The following SEMA3A variants were observed in gnomAD, a reference collection of about 807,000 sequenced individuals.
SEMA3A encodes the protein semaphorin-3A.
SEMA3A carries 29 observed loss-of-function variants against 97.9 expected under a neutral mutation model. The ratio of observed to expected loss-of-function variants is 0.30; its 90% CI spans 0.22 to 0.40. The LOEUF (loss-of-function observed/expected upper bound fraction) is 0.40. Among genes scored for constraint, SEMA3A ranks in the 10% least tolerant of loss-of-function variants. The pLI is 1.00. For missense variants in SEMA3A, 763 were observed against 951.3 expected, an observed-to-expected ratio of 0.80 and a Z score of 2.60; for synonymous variants, 321 against 323.7, an observed-to-expected ratio of 0.99 and a Z score of 0.09.
rs1244077999 is a variant in SEMA3A, at chr7:84,266,620, T to C, written c.-83+40587A>G. Among the ~76,000 whole-genome samples the C allele has an allele frequency of 3.3e-5, 5 of 152,006 alleles. No homozygotes were observed. The East Asian group carries it at 7.7e-4, about 24-fold the overall frequency. ...GAAGGCCAAATATAACTCAAAAAAATTAAAAACATAATTGAAAAGAAACGT... is the reference window on the plus strand; with the variant it reads ...GAAGGCCAAATATAACTCAAAAAAACTAAAAACATAATTGAAAAGAAACGT... On this transcript the variant is annotated intron_variant, in intron 3 of 3. Transcript: ENST00000424555.
In SEMA3A at chr7:84,424,497, ATATAATATATAAATATTAATATAT is replaced by A. The variant is rs1429599095; in HGVS notation, c.-245-52621_-245-52598del. On this transcript the variant is annotated intron_variant, in intron 1 of 3. Transcript: ENST00000424555. The stretch of plus-strand genomic sequence containing the variant: ...AATATATAATATATTGATATATAAT[ATATAATATATAAATATTAATATAT>A]GTTATATATAATATATAAATATTAA... Among the ~76,000 whole-genome samples the A allele has an allele frequency of 2.4e-3, 243 of 102,812 alleles. 2 individuals are homozygous for A. Among genetic ancestry groups the A allele is most frequent in the African/African-American group, 9.7e-3 (236 of 24,402 alleles). The allele number at this position is 102,812 out of a possible 152,430, so 67.4% of individuals were successfully genotyped here. A position where few individuals can be genotyped will look rare whatever the true frequency, so the allele number is the denominator to read the frequency against.
intron 6 of SEMA3A, 113 bp downstream of exon 6, chr7:84,046,211 G>T: frequency 1.6e-6 from 2 of 1,246,332 alleles, no homozygotes; most frequent in Non-Finnish European, 2.2e-6. Context: ...ACCACCATTA[G>T]CTTAACTGCA....
At chr7:84,073,678 G>A (rs369274570) in intron 4 of SEMA3A, among the ~76,000 whole-genome samples, 1 of 152,004 alleles carries the variant, frequency 6.6e-6, no homozygotes, top group African/African-American at 2.4e-5. Context: ...GGCAAAGAAC[G>A]ATTTGCCATA....
At chr7:84,069,846 T>C (rs954577036) in intron 4 of SEMA3A, among the ~76,000 whole-genome samples, 7 of 152,126 alleles carry the variant, frequency 4.6e-5, no homozygotes, top group African/African-American at 1.7e-4. Context: ...TGTTATCTAA[T>C]GAGCAAGACC....
chr7:84,303,773 G>A (rs117864029), intron 3 of SEMA3A, among the ~76,000 whole-genome samples: 18 of 152,092 alleles, frequency 1.2e-4, no homozygotes, highest in Admixed American at 1.2e-3. Flanking sequence ...CTTTGTGTTA[G>A]ATAATTTTGT....
intron 3 of SEMA3A, among the ~76,000 whole-genome samples, chr7:84,211,504 C>T (rs1258728251): frequency 1.3e-5 from 2 of 151,726 alleles, no homozygotes; most frequent in Non-Finnish European, 2.9e-5. Flanking sequence ...GCCTGTAATC[C>T]CAGCTACTCG....
intron 1 of SEMA3A, among the ~76,000 whole-genome samples, chr7:84,432,284 G>A (rs1805000088): frequency 6.6e-6 from 1 of 152,094 alleles, no homozygotes. Flanking sequence ...TCCATTTCCA[G>A]TAGTGCCACC....
intron 1 of SEMA3A, among the ~76,000 whole-genome samples, chr7:84,473,141 GGTGTGTGTGTGT>G (rs61623414): frequency 1.4e-5 from 2 of 141,442 alleles, no homozygotes; most frequent in South Asian, 2.3e-4. Context: ...AAAAAGAAAT[GGTGTGTGTGTGT>G]GTGTGTGTGT....
At chr7:84,444,459 AAATT>A (rs981238766) in intron 1 of SEMA3A, among the ~76,000 whole-genome samples, 4 of 152,090 alleles carry the variant, frequency 2.6e-5, no homozygotes, top group African/African-American at 9.7e-5. Context: ...GAGCACAAAC[AAATT>A]AATTTTTTTC....
intron 3 of SEMA3A, among the ~76,000 whole-genome samples, chr7:84,290,038 A>C (rs1800702204): frequency 6.6e-6 from 1 of 152,120 alleles, no homozygotes; most frequent in Non-Finnish European, 1.5e-5. Context: ...TTTCATTGAT[A>C]TGTCGATAGG....
chr7:84,179,713 C>T (rs1465133141), intron 1 of SEMA3A, among the ~76,000 whole-genome samples: 1 of 151,986 alleles, frequency 6.6e-6, no homozygotes, highest in Non-Finnish European at 1.5e-5. Flanking sequence ...ATACTTAATA[C>T]ATCTCTGTTC....
intron 5 of SEMA3A, among the ~76,000 whole-genome samples, chr7:84,049,476 G>C (rs567875630): frequency 1.8e-4 from 28 of 152,206 alleles, no homozygotes; most frequent in African/African-American, 6.3e-4. Context: ...TTCTCATTAA[G>C]TAGAAATGTA....
intron 13 of SEMA3A, among the ~76,000 whole-genome samples, chr7:83,983,213 C>T (rs897123869): frequency 6.8e-6 from 1 of 147,496 alleles, no homozygotes; most frequent in Non-Finnish European, 1.5e-5. Flanking sequence ...CTCTTTCTTT[C>T]CTTTTCTTTT....
intron 2 of SEMA3A, among the ~76,000 whole-genome samples, chr7:84,345,360 T>C (rs947015824): frequency 6.6e-6 from 1 of 152,176 alleles, no homozygotes; most frequent in African/African-American, 2.4e-5. Flanking sequence ...TTGCTAAAGG[T>C]TGAGATGGCT....
At chr7:84,378,755 A>G (rs2116130323) in intron 1 of SEMA3A, among the ~76,000 whole-genome samples, 1 of 152,246 alleles carries the variant, frequency 6.6e-6, no homozygotes, top group South Asian at 2.1e-4. Context: ...ACATGAGAAT[A>G]CTTTTTATAT....
intron 1 of SEMA3A, among the ~76,000 whole-genome samples, chr7:84,138,507 C>G (rs1796209948): frequency 6.6e-6 from 1 of 152,044 alleles, no homozygotes; most frequent in African/African-American, 2.4e-5. Context: ...TTAGTTTGGA[C>G]AGAATTACTG....
At chr7:84,141,082 A>C (rs1450488201) in intron 1 of SEMA3A, among the ~76,000 whole-genome samples, 2 of 152,194 alleles carry the variant, frequency 1.3e-5, no homozygotes, top group Non-Finnish European at 2.9e-5. Context: ...TACTGCTCTA[A>C]GGTAACTGTG....
chr7:84,166,519 C>T (rs935736853), intron 1 of SEMA3A, among the ~76,000 whole-genome samples: 9 of 147,458 alleles, frequency 6.1e-5, no homozygotes, highest in African/African-American at 1.8e-4. Context: ...TGCAGTGAGC[C>T]GAGATTGTGC....
intron 1 of SEMA3A, among the ~76,000 whole-genome samples, chr7:84,424,355 A>G (rs1188681753): frequency 7.1e-6 from 1 of 140,122 alleles, no homozygotes; most frequent in Non-Finnish European, 1.5e-5. Context: ...ATTATATATA[A>G]TATATAAAAT....
Sources: allele counts gnomAD v4.1 joint callset (sites outside exome capture counted in the v4.1 genomes callset), GRCh38; gene constraint gnomAD v4.1.1; transcripts MANE v1.5; gene names NCBI Gene and HGNC (gene_info 2026-07-23, HGNC 2026-07-21).